Variants in RAB3C observed in about 807,000 individuals in gnomAD.
RAB3C encodes RAB3C, member RAS oncogene family.
A neutral mutation model predicts 26.4 loss-of-function variants in RAB3C; 17 were observed. The ratio of observed to expected loss-of-function variants is 0.64; its 90% CI spans 0.44 to 0.97. The LOEUF (loss-of-function observed/expected upper bound fraction) is 0.97. Ranked by LOEUF, RAB3C falls within the 50% of genes least tolerant of loss-of-function variation. RAB3C has a pLI of 0.00. For synonymous variants in RAB3C, 91 were observed against 95.9 expected (o/e 0.95, Z 0.30); for missense variants, 242 against 281.9 (o/e 0.86, Z 1.01).
chr5:58,598,772 A>C (rs950627353), intron 1 of RAB3C, among the ~76,000 whole-genome samples: 6 of 152,136 alleles, frequency 3.9e-5, no homozygotes, highest in Non-Finnish European at 8.8e-5. Context: ...AGAAAATTTG[A>C]GTCATCTATT....
intron 3 of RAB3C, among the ~76,000 whole-genome samples, chr5:58,782,828 A>G (rs1224873601): frequency 6.6e-6 from 1 of 152,308 alleles, no homozygotes; most frequent in East Asian, 1.9e-4. Context: ...AAGATAGGAT[A>G]AGAATAATTT....
chr5:58,774,818 C>A (rs1037413792), intron 3 of RAB3C, among the ~76,000 whole-genome samples: 3 of 152,096 alleles, frequency 2.0e-5, no homozygotes, highest in African/African-American at 7.2e-5. Flanking sequence ...GGCAGAGTGT[C>A]CTTAGCACAA....
chr5:58,807,618 G>A (rs1303762558), intron 3 of RAB3C, among the ~76,000 whole-genome samples: 1 of 152,152 alleles, frequency 6.6e-6, no homozygotes, highest in Non-Finnish European at 1.5e-5. Context: ...GGTAGAGAGA[G>A]AGTAGGAGAT....
chr5:58,627,377 A>G (rs1390298694), intron 2 of RAB3C, among the ~76,000 whole-genome samples: 1 of 85,268 alleles, frequency 1.2e-5, no homozygotes, highest in Non-Finnish European at 2.4e-5. Flanking sequence ...AGGCAGGAGA[A>G]TGGCGTGAAC....
chr5:58,715,519 G>T (rs7732433), intron 2 of RAB3C, among the ~76,000 whole-genome samples: 8,867 of 152,038 alleles, frequency 0.058, 868 homozygotes, highest in African/African-American at 0.2. Context: ...TGTGAGTTTT[G>T]ATGTTGTGAT....
chr5:58,594,235 G>A (rs1483583676), intron 1 of RAB3C, among the ~76,000 whole-genome samples: 1 of 152,194 alleles, frequency 6.6e-6, no homozygotes, highest in Non-Finnish European at 1.5e-5. Flanking sequence ...AGAGCCTGAA[G>A]AACAGATATG....
chr5:58,795,047 G>C (rs574798067), intron 3 of RAB3C, among the ~76,000 whole-genome samples: 10 of 152,196 alleles, frequency 6.6e-5, no homozygotes, highest in Non-Finnish European at 1.3e-4. Flanking sequence ...GAGACACCCG[G>C]TGGGAGGTAT....
chr5:58,629,426 G>C (rs1240309915), intron 2 of RAB3C, among the ~76,000 whole-genome samples: 13 of 152,208 alleles, frequency 8.5e-5, no homozygotes, highest in Non-Finnish European at 1.6e-4. Context: ...AGTGTGCTAC[G>C]CAAAGTGCTA....
chr5:58,680,429 A>T (rs1748322189), intron 2 of RAB3C, among the ~76,000 whole-genome samples: 1 of 152,256 alleles, frequency 6.6e-6, no homozygotes, highest in Non-Finnish European at 1.5e-5. Flanking sequence ...GTTATATGAA[A>T]CAAAAACAAA....
At chr5:58,774,341 C>G (rs1484163405) in intron 3 of RAB3C, among the ~76,000 whole-genome samples, 1 of 152,098 alleles carries the variant, frequency 6.6e-6, no homozygotes, top group African/African-American at 2.4e-5. Context: ...ATATCTGCTC[C>G]CCTCTCCTCT....
chr5:58,592,153 C>G (rs779179391), intron 1 of RAB3C, among the ~76,000 whole-genome samples: 2 of 152,140 alleles, frequency 1.3e-5, no homozygotes, highest in African/African-American at 2.4e-5. Flanking sequence ...CCTGCGTCGG[C>G]CTCCTAAAGT....
chr5:58,798,733 T>C (rs1188868302), intron 3 of RAB3C, among the ~76,000 whole-genome samples: 2 of 152,204 alleles, frequency 1.3e-5, no homozygotes, highest in African/African-American at 2.4e-5. Flanking sequence ...TATGCAAATA[T>C]TTCAAAATCT....
At chr5:58,826,222 T>G (rs1290175945) in intron 4 of RAB3C, among the ~76,000 whole-genome samples, 2 of 149,464 alleles carry the variant, frequency 1.3e-5, no homozygotes, top group Non-Finnish European at 3.0e-5. Flanking sequence ...AAGAGATGAG[T>G]GATGAGGGGA....
In RAB3C at chr5:58,704,136, A is replaced by G. The variant is rs533606620; in HGVS notation, c.253-21866A>G. Among the ~76,000 whole-genome samples the G allele has an allele frequency of 3.3e-5, 5 of 152,290 alleles. No homozygotes were observed. The East Asian group carries it at 9.7e-4, about 29-fold the overall frequency. The stretch of plus-strand genomic sequence containing the variant: ...CTTTACTATATCTGCTGGCTTACCT[A>G]TTTTAAGCCACTATTTCATCACAGT... On this transcript the variant is annotated intron_variant, in intron 2 of 4. Transcript: ENST00000282878.
intron 4 of RAB3C, among the ~76,000 whole-genome samples, chr5:58,842,429 T>C (rs891997357): frequency 2.0e-5 from 3 of 152,220 alleles, no homozygotes; most frequent in African/African-American, 7.2e-5. Flanking sequence ...AGATATACTC[T>C]CTTTGATGCC....
chr5:58,816,415 G>A (rs1443217022), intron 3 of RAB3C, among the ~76,000 whole-genome samples: 1 of 152,132 alleles, frequency 6.6e-6, no homozygotes. Context: ...GTCAGTCATT[G>A]GCTCAGGTCT....
At chr5:58,817,353 T>C (rs1371903592) in intron 3 of RAB3C, among the ~76,000 whole-genome samples, 1 of 152,200 alleles carries the variant, frequency 6.6e-6, no homozygotes, top group African/African-American at 2.4e-5. Context: ...TGAAGAGCAT[T>C]TTTAAGGATA....
At chr5:58,618,119 T>C (rs1222099515) in intron 2 of RAB3C, among the ~76,000 whole-genome samples, 1 of 151,606 alleles carries the variant, frequency 6.6e-6, no homozygotes, top group African/African-American at 2.4e-5. Context: ...AAAAAAAAAA[T>C]CCAAACCTCT....
At chr5:58,724,820 A>G (rs769413950) in intron 2 of RAB3C, among the ~76,000 whole-genome samples, 92 of 151,616 alleles carry the variant, frequency 6.1e-4, no homozygotes, top group Admixed American at 1.6e-3. Flanking sequence ...GAAAAAAAAA[A>G]CCCTCTGCAC....
Sources: gnomAD v4.1 joint callset for allele counts (sites outside exome capture counted in the v4.1 genomes callset) on GRCh38, gnomAD v4.1.1 for gene constraint, MANE v1.5 for transcripts, NCBI Gene and HGNC (gene_info 2026-07-23, HGNC 2026-07-21) for gene names.